Variants in LUC7L3 observed in about 807,000 individuals in gnomAD.
LUC7L3 encodes the protein luc7-like protein 3.
Under a neutral mutation model 66.8 loss-of-function variants are expected in LUC7L3, and 6 were observed. The ratio of observed to expected loss-of-function variants is 0.09; its 90% CI spans 0.05 to 0.18. LUC7L3 has a LOEUF of 0.18. LUC7L3 is among the 10% of genes least tolerant of loss of function. The pLI is 1.00. For missense variants in LUC7L3, 341 were observed against 531.1 expected (o/e 0.64, Z 3.52); for synonymous variants, 160 against 174.7 (o/e 0.92, Z 0.66).
intron 5 of LUC7L3, among the ~76,000 whole-genome samples, chr17:50,742,858 A>T (rs559943901): frequency 6.6e-4 from 101 of 152,372 alleles, no homozygotes; most frequent in African/African-American, 2.3e-3. Context: ...GGATAATTAA[A>T]TCATGATGTA....
intron 8 of LUC7L3, among the ~76,000 whole-genome samples, 176 bp from the exon 9 acceptor site, chr17:50,746,366 A>G (rs1970667333): frequency 6.6e-6 from 1 of 152,242 alleles, no homozygotes; most frequent in Non-Finnish European, 1.5e-5. Flanking sequence ...CCATCTTAGC[A>G]CTATTGGAGA....
chr17:50,738,152 A>T (rs1442909245), intron 2 of LUC7L3: 9 of 456,054 alleles, frequency 2.0e-5, no homozygotes, highest in Admixed American at 1.4e-4. Flanking sequence ...AGAAAAGAGG[A>T]TTCTTCTCTA....
At chr17:50,743,652 C>A in intron 5 of LUC7L3, 54 bp from the exon 6 acceptor site, 3 of 1,146,352 alleles carry the variant, frequency 2.6e-6, no homozygotes, top group Non-Finnish European at 3.9e-6. Flanking sequence ...GGAAAAAAGA[C>A]AATAGTTGGG....
intron 9 of LUC7L3, chr17:50,749,156 C>T: frequency 8.1e-7 from 1 of 1,230,332 alleles, no homozygotes; most frequent in East Asian, 5.7e-5. Flanking sequence ...CATCCATAGC[C>T]CTAAAATCCA....
At chr17:50,747,246 T>G (rs1191883486) in intron 9 of LUC7L3, among the ~76,000 whole-genome samples, 19 of 129,226 alleles carry the variant, frequency 1.5e-4, no homozygotes, top group African/African-American at 4.7e-4. Context: ...TTTTTTTTTT[T>G]TGGTGTGGCA....
chr17:50,723,818 G>T, intron 1 of LUC7L3: 1 of 345,038 alleles, frequency 2.9e-6, no homozygotes, highest in Non-Finnish European at 5.8e-6. Context: ...TGTATTTTTA[G>T]TCGACAGGGT....
chr17:50,731,788 C>G (rs909722765), intron 1 of LUC7L3, among the ~76,000 whole-genome samples: 1 of 152,070 alleles, frequency 6.6e-6, no homozygotes, highest in Non-Finnish European at 1.5e-5. Flanking sequence ...GGTGATTGGA[C>G]TAGATTAGGT....
At chr17:50,721,841 C>G (rs1192897231) in intron 1 of LUC7L3, among the ~76,000 whole-genome samples, 2 of 151,558 alleles carry the variant, frequency 1.3e-5, no homozygotes, top group African/African-American at 4.8e-5. Flanking sequence ...CCTGTTCTAT[C>G]TGGAAATTTT....
intron 7 of LUC7L3, among the ~76,000 whole-genome samples, chr17:50,745,121 C>G (rs1447291267): frequency 6.6e-6 from 1 of 152,128 alleles, no homozygotes; most frequent in Non-Finnish European, 1.5e-5. Flanking sequence ...TCCTGAGTAG[C>G]TGGGATTACA....
intron 1 of LUC7L3, among the ~76,000 whole-genome samples, chr17:50,724,861 A>G (rs935840299): frequency 6.0e-5 from 9 of 149,022 alleles, no homozygotes; most frequent in African/African-American, 2.0e-4. Context: ...TCCCGGGTTC[A>G]AGCGATTCTC....
chr17:50,754,250 CTT>C lies in LUC7L3; in HGVS notation c.*3591_*3592del, dbSNP rs1156882174. 6.7e-6 allele frequency: 1 copy of C among 148,172 alleles called. No homozygotes were observed. The allele number at this position is 148,172 out of a possible 1,614,324, so 9.2% of individuals were successfully genotyped here. On this transcript the variant is annotated 3_prime_UTR_variant, in exon 10 of 10. Transcript: ENST00000505658. Reference sequence around the variant, plus strand: ...TCAGTTGGTCTTAAAAAAAAAAAAACTTTATTTTGGAAATTTAAAGACATACA... The same window carrying C: ...TCAGTTGGTCTTAAAAAAAAAAAAACTATTTTGGAAATTTAAAGACATACA...
At chr17:50,740,585 G>A (rs1970288057) in intron 3 of LUC7L3, among the ~76,000 whole-genome samples, 1 of 151,872 alleles carries the variant, frequency 6.6e-6, no homozygotes, top group South Asian at 2.1e-4. Context: ...TTTTAAATGA[G>A]CCTCACTGTG....
chr17:50,730,536 A>AAAAAAAAAAAAAAAAAAAAAC (rs1969529669), intron 1 of LUC7L3, among the ~76,000 whole-genome samples: 1 of 141,848 alleles, frequency 7.0e-6, no homozygotes, highest in African/African-American at 2.6e-5. Flanking sequence ...AAAAAAAAAA[A>AAAAAAAAAAAAAAAAAAAAAC]AAGACCTAAA....
chr17:50,749,919 A>G (rs1381022969), intron 9 of LUC7L3, among the ~76,000 whole-genome samples: 10 of 152,346 alleles, frequency 6.6e-5, no homozygotes, highest in South Asian at 2.1e-4. Context: ...GATGGCATAT[A>G]TATTACTTTT....
At chr17:50,721,820 A>G (rs2146679552) in intron 1 of LUC7L3, among the ~76,000 whole-genome samples, 1 of 151,798 alleles carries the variant, frequency 6.6e-6, no homozygotes, top group Non-Finnish European at 1.5e-5. Flanking sequence ...ATTTTAACAT[A>G]TTTTTGCATT....
chr17:50,721,627 A>G (rs1968771860), intron 1 of LUC7L3, among the ~76,000 whole-genome samples: 2 of 152,354 alleles, frequency 1.3e-5, no homozygotes, highest in South Asian at 4.1e-4. Context: ...AGTGTTGAGC[A>G]AAAACAAAGC....
chr17:50,736,074 A>G (rs541775190), intron 1 of LUC7L3, among the ~76,000 whole-genome samples: 1 of 152,338 alleles, frequency 6.6e-6, no homozygotes, highest in African/African-American at 2.4e-5. Context: ...CGGAGCTTGC[A>G]GTGGGCTGAG....
intron 3 of LUC7L3, 31 bp downstream of exon 3, chr17:50,740,376 C>T: frequency 6.3e-7 from 1 of 1,593,214 alleles, no homozygotes; most frequent in Non-Finnish European, 8.5e-7. Context: ...TTTCCACCCC[C>T]CCAGTTATTA....
Position 50,740,299 on chromosome 17 carries a change from C to T in LUC7L3, c.167-7C>T, listed in dbSNP as rs542054605. 62 of 1,578,832 alleles carry T rather than the reference C, an allele frequency of 3.9e-5. No homozygotes were observed. Among genetic ancestry groups the T allele is most frequent in the Non-Finnish European group, 5.1e-5 (59 of 1,163,674 alleles). On this transcript the variant is annotated splice_polypyrimidine_tract_variant and splice_region_variant and intron_variant, in intron 2 of 9. Coordinates refer to ENST00000505658, the MANE Select transcript of LUC7L3 (RefSeq NM_016424.5). The stretch of plus-strand genomic sequence containing the variant: ...GATAATTTATACAATTATATTTTTT[C>T]CCCCAGGTCCGTGTGAAAAAATTCA...
Sources: allele counts gnomAD v4.1 joint callset (sites outside exome capture counted in the v4.1 genomes callset), GRCh38; gene constraint gnomAD v4.1.1; transcripts MANE v1.5; gene names NCBI Gene and HGNC (gene_info 2026-07-23, HGNC 2026-07-21).